The following BNC2 variants were observed in gnomAD, a reference collection of about 807,000 sequenced individuals.
BNC2 encodes zinc finger protein basonuclin-2.
BNC2 carries 20 observed loss-of-function variants against 76.3 expected under a neutral mutation model. That is an observed-to-expected ratio of 0.26 (90% CI 0.18 to 0.38). The LOEUF (loss-of-function observed/expected upper bound fraction) is 0.38. Ranked by LOEUF, BNC2 falls within the 10% of genes least tolerant of loss-of-function variation. BNC2 has a pLI of 1.00. For missense variants in BNC2, 1,382 were observed against 1,399.8 expected (o/e 0.99, Z 0.20); for synonymous variants, 582 against 514.8 (o/e 1.13, Z -1.77).
At chr9:16,610,601 T>TA (rs1221432000) in intron 3 of BNC2, among the ~76,000 whole-genome samples, 1 of 152,140 alleles carries the variant, frequency 6.6e-6, no homozygotes, top group Non-Finnish European at 1.5e-5. Flanking sequence ...AAGTAGATCT[T>TA]AAAAAACTCC....
At chr9:16,702,204 TAG>T (rs1823535751) in intron 3 of BNC2, among the ~76,000 whole-genome samples, 1 of 152,142 alleles carries the variant, frequency 6.6e-6, no homozygotes, top group Non-Finnish European at 1.5e-5. Context: ...CTCGAAGCTT[TAG>T]TGTGGTCTTA....
At position 16,413,951 on chromosome 9, in the gene BNC2, T is replaced by C. The variant is rs1820528813; in HGVS notation, c.*5038A>G. 2.6e-5 allele frequency: 4 copies of C among 152,218 alleles called. No individual in the cohort carries two copies. The highest frequency in any genetic ancestry group is 2.6e-4 in the Admixed American group (4 of 15,284). The allele number at this position is 152,218 out of a possible 1,614,324, so 9.4% of individuals were successfully genotyped here. A position where few individuals can be genotyped will look rare whatever the true frequency, so the allele number is the denominator to read the frequency against. ...CCATGCTGGTGCCATTCGCACCTAC[T>C]CCTCTGTTAGGATGAAAACGAGGTG... On this transcript the variant is annotated 3_prime_UTR_variant, in exon 7 of 7. Transcript: ENST00000380672.
At chr9:16,854,596 T>C (rs1819207549) in intron 1 of BNC2, among the ~76,000 whole-genome samples, 1 of 152,124 alleles carries the variant, frequency 6.6e-6, no homozygotes, top group South Asian at 2.1e-4. Flanking sequence ...CTTATCCGTA[T>C]ACAAAACATG....
chr9:16,860,704 T>C (rs1246121606), intron 1 of BNC2, among the ~76,000 whole-genome samples: 1 of 152,066 alleles, frequency 6.6e-6, no homozygotes, highest in Middle Eastern at 3.2e-3. Context: ...TAAATTAGAC[T>C]TCATCAAAAA....
At chr9:16,507,153 G>A (rs1362126197) in intron 5 of BNC2, among the ~76,000 whole-genome samples, 2 of 149,682 alleles carry the variant, frequency 1.3e-5, no homozygotes, top group African/African-American at 4.9e-5. Flanking sequence ...ATCTCATATT[G>A]TACATAGTAT....
intron 1 of BNC2, among the ~76,000 whole-genome samples, chr9:16,829,231 G>T (rs1013247710): frequency 6.6e-6 from 1 of 152,222 alleles, no homozygotes; most frequent in Non-Finnish European, 1.5e-5. Flanking sequence ...TAGAAGAGAG[G>T]AGCGGGCTCA....
chr9:16,416,920 C>T lies in BNC2; in HGVS notation c.*2069G>A, dbSNP rs1040459147. The T allele has an allele frequency of 6.6e-5, 10 of 152,166 alleles. No homozygotes were observed. The East Asian group carries it at 9.7e-4, about 15-fold the overall frequency. 9.4% of individuals were successfully genotyped at this position (152,166 alleles called of 1,614,324 possible). On this transcript the variant is annotated 3_prime_UTR_variant, in exon 7 of 7. Coordinates refer to ENST00000380672, the MANE Select transcript of BNC2 (RefSeq NM_017637.6). ...TAACAGTTTCCTTTGGCAAATTTAA[C>T]GGAAGTGAATGCTGATGTGAACATA...
chr9:16,841,194 G>A (rs1441075277), intron 1 of BNC2, among the ~76,000 whole-genome samples: 1 of 152,104 alleles, frequency 6.6e-6, no homozygotes, highest in East Asian at 1.9e-4. Context: ...TGTTTGTCAG[G>A]CACTGTGCTG....
At chr9:16,481,985 C>T (rs1349913807) in intron 5 of BNC2, among the ~76,000 whole-genome samples, 1 of 152,108 alleles carries the variant, frequency 6.6e-6, no homozygotes, top group African/African-American at 2.4e-5. Context: ...ATCTGAGCTC[C>T]AAAGTATGTG....
At chr9:16,817,764 A>G (rs1445962947) in intron 1 of BNC2, among the ~76,000 whole-genome samples, 2 of 152,186 alleles carry the variant, frequency 1.3e-5, no homozygotes, top group East Asian at 1.9e-4. Flanking sequence ...TAGTCACTCA[A>G]TAAGCATTTA....
chr9:16,700,066 T>C (rs377565840), intron 3 of BNC2, among the ~76,000 whole-genome samples: 19 of 152,348 alleles, frequency 1.2e-4, no homozygotes, highest in African/African-American at 4.3e-4. Flanking sequence ...GTATGATATG[T>C]ATATGTCTTT....
intron 5 of BNC2, among the ~76,000 whole-genome samples, chr9:16,524,044 G>C (rs993574744): frequency 3.3e-5 from 5 of 152,180 alleles, no homozygotes; most frequent in African/African-American, 1.2e-4. Flanking sequence ...ATGAGATTAT[G>C]CTGTGAAATA....
chr9:16,777,770 A>C (rs1396801681), intron 1 of BNC2, among the ~76,000 whole-genome samples: 1 of 152,108 alleles, frequency 6.6e-6, no homozygotes, highest in Non-Finnish European at 1.5e-5. Flanking sequence ...TGTAAAATCA[A>C]AGCAAGCACT....
At chr9:16,541,298 G>A (rs920579254) in intron 5 of BNC2, among the ~76,000 whole-genome samples, 5 of 152,128 alleles carry the variant, frequency 3.3e-5, no homozygotes, top group South Asian at 4.1e-4. Flanking sequence ...TTTTTACCAC[G>A]GTTTTGGCCA....
intron 5 of BNC2, among the ~76,000 whole-genome samples, chr9:16,486,273 C>T (rs1437741414): frequency 6.6e-6 from 1 of 152,176 alleles, no homozygotes; most frequent in African/African-American, 2.4e-5. Flanking sequence ...AAATGAAGAC[C>T]TGGGTATTAA....
intron 5 of BNC2, among the ~76,000 whole-genome samples, chr9:16,550,193 G>A (rs1156393210): frequency 1.3e-5 from 2 of 152,054 alleles, no homozygotes; most frequent in Admixed American, 1.3e-4. Context: ...GGCTGCATGT[G>A]GCCCATGAAG....
chr9:16,449,849 G>GC (rs759813912), intron 5 of BNC2, among the ~76,000 whole-genome samples: 1 of 134,400 alleles, frequency 7.4e-6, no homozygotes, highest in African/African-American at 2.7e-5. Context: ...GGCGGGGGGG[G>GC]AGGGTAACTA....
At chr9:16,440,283 T>G (rs1745255191) in intron 5 of BNC2, among the ~76,000 whole-genome samples, 1 of 152,172 alleles carries the variant, frequency 6.6e-6, no homozygotes, top group Non-Finnish European at 1.5e-5. Context: ...ACTCAGTGGC[T>G]GTCATTCCAT....
At chr9:16,695,935 T>C (rs1823325640) in intron 3 of BNC2, among the ~76,000 whole-genome samples, 1 of 152,196 alleles carries the variant, frequency 6.6e-6, no homozygotes, top group South Asian at 2.1e-4. Context: ...TTCAATGTTA[T>C]TACCATAAGC....
Sources: allele counts gnomAD v4.1 joint callset (sites outside exome capture counted in the v4.1 genomes callset), GRCh38; gene constraint gnomAD v4.1.1; transcripts MANE v1.5; gene names NCBI Gene and HGNC (gene_info 2026-07-23, HGNC 2026-07-21).